The following FOXP2 variants were observed in gnomAD, a reference collection of about 807,000 sequenced individuals.
FOXP2 encodes the protein forkhead box protein P2.
FOXP2 carries 12 observed loss-of-function variants against 115.8 expected under a neutral mutation model. The observed-to-expected ratio is 0.10, with a 90% CI of 0.07 to 0.17. The LOEUF (loss-of-function observed/expected upper bound fraction) is 0.17. Among genes scored for constraint, FOXP2 ranks in the 10% least tolerant of loss-of-function variants. The pLI is 1.00. For synonymous variants in FOXP2, 328 were observed against 297.7 expected (o/e 1.10, Z -1.05); for missense variants, 629 against 843.5 (o/e 0.75, Z 3.15).
chr7:114,671,001 A>AT (rs1807459529), intron 16 of FOXP2, among the ~76,000 whole-genome samples: 1 of 151,956 alleles, frequency 6.6e-6, no homozygotes, highest in African/African-American at 2.4e-5. Flanking sequence ...GTTTTCATAG[A>AT]TTTTTTAATT....
At chr7:114,449,706 A>G (rs1189083061) in intron 2 of FOXP2, among the ~76,000 whole-genome samples, 1 of 152,078 alleles carries the variant, frequency 6.6e-6, no homozygotes, top group African/African-American at 2.4e-5. Flanking sequence ...CACTTCAGCT[A>G]CCTAGGTTTA....
chr7:114,667,120 C>G (rs898094322), intron 16 of FOXP2: 1 of 152,006 alleles, frequency 6.6e-6, no homozygotes, highest in South Asian at 2.1e-4. Flanking sequence ...GTAAGCAGAT[C>G]CATAAAACTG....
At chr7:114,654,062 T>A (rs1806438170) in intron 10 of FOXP2, 53 bp downstream of exon 10, 1 of 1,611,946 alleles carries the variant, frequency 6.2e-7, no homozygotes, top group South Asian at 1.1e-5. Flanking sequence ...TGTAACAGAC[T>A]AAGAAAATGA....
intron 1 of FOXP2, among the ~76,000 whole-genome samples, chr7:114,152,229 C>G (rs1792547001): frequency 6.6e-6 from 1 of 152,186 alleles, no homozygotes; most frequent in Non-Finnish European, 1.5e-5. Flanking sequence ...CCGACATTAT[C>G]TATTGAATAC....
At chr7:114,654,650 T>C (rs1261317665) in intron 10 of FOXP2, among the ~76,000 whole-genome samples, 1 of 152,170 alleles carries the variant, frequency 6.6e-6, no homozygotes, top group Non-Finnish European at 1.5e-5. Flanking sequence ...CCTAATAATG[T>C]AGTCAGATAC....
At chr7:114,459,738 T>A (rs939890488) in intron 2 of FOXP2, among the ~76,000 whole-genome samples, 1 of 151,882 alleles carries the variant, frequency 6.6e-6, no homozygotes, top group Non-Finnish European at 1.5e-5. Flanking sequence ...GCCTCAGCCT[T>A]CCGGGTAGCT....
chr7:114,647,287 C>A (rs1805965284), intron 8 of FOXP2, among the ~76,000 whole-genome samples: 1 of 151,352 alleles, frequency 6.6e-6, no homozygotes, highest in African/African-American at 2.4e-5. Context: ...CTGGTGGAAT[C>A]CCTCTATTTT....
chr7:114,561,976 C>T (rs1044903722), intron 3 of FOXP2, among the ~76,000 whole-genome samples: 6 of 152,206 alleles, frequency 3.9e-5, no homozygotes, highest in African/African-American at 1.4e-4. Context: ...TTTAAAATCA[C>T]TTTGAATTGG....
intron 3 of FOXP2, among the ~76,000 whole-genome samples, chr7:114,545,068 C>T (rs1374771744): frequency 6.6e-6 from 1 of 152,118 alleles, no homozygotes; most frequent in African/African-American, 2.4e-5. Flanking sequence ...TAAAACTCTC[C>T]AGGAGATACA....
chr7:114,486,985 C>G (rs899964205), intron 2 of FOXP2, among the ~76,000 whole-genome samples: 7 of 152,190 alleles, frequency 4.6e-5, no homozygotes, highest in African/African-American at 1.7e-4. Flanking sequence ...ACTCTGGGGT[C>G]TGGAGGATGG....
At chr7:114,489,985 G>A (rs958680413) in intron 2 of FOXP2, among the ~76,000 whole-genome samples, 1 of 152,088 alleles carries the variant, frequency 6.6e-6, no homozygotes, top group African/African-American at 2.4e-5. Context: ...GGTGAAATGC[G>A]GAAATGGTAC....
rs1584631796 is a variant in FOXP2 at position 114,317,755 on chromosome 7, A to G, written c.-11+29646A>G. On this transcript the variant is annotated intron_variant, in intron 2 of 17. Coordinates refer to the FOXP2 transcript ENST00000634411. ...CTGCCATTTCCTAAAAATAAAATAA[A>G]AAATCCTTAAGATGATCTACAAAAC... Among the ~76,000 whole-genome samples, 6 of 152,300 alleles carry G rather than the reference A, an allele frequency of 3.9e-5. 1 individual carries two copies. The highest frequency in any genetic ancestry group is 3.9e-4 in the Admixed American group (6 of 15,294).
chr7:114,294,343 T>C (rs1164821568), intron 2 of FOXP2, among the ~76,000 whole-genome samples: 2 of 152,168 alleles, frequency 1.3e-5, no homozygotes, highest in Non-Finnish European at 2.9e-5. Flanking sequence ...TCTACTAATC[T>C]ATCCTGATAG....
intron 16 of FOXP2, among the ~76,000 whole-genome samples, chr7:114,678,547 C>CTTTTTTTTTTTTTTTTTTTT (rs35525759): frequency 2.1e-5 from 1 of 48,388 alleles, no homozygotes; most frequent in Non-Finnish European, 4.0e-5. Flanking sequence ...ATAAGTGACT[C>CTTTTTTTTTTTTTTTTTTTT]TTTTTTTTTT....
At chr7:114,631,223 T>C (rs146204738) in intron 5 of FOXP2, among the ~76,000 whole-genome samples, 1 of 152,186 alleles carries the variant, frequency 6.6e-6, no homozygotes, top group Admixed American at 6.5e-5. Context: ...TCTTTTAATC[T>C]AGAGAAATGT....
At chr7:114,216,966 C>G (rs1025292416) in intron 1 of FOXP2, among the ~76,000 whole-genome samples, 3 of 152,084 alleles carry the variant, frequency 2.0e-5, no homozygotes, top group African/African-American at 7.2e-5. Context: ...AAATAATCCC[C>G]TTATTGACAT....
intron 2 of FOXP2, among the ~76,000 whole-genome samples, chr7:114,453,210 A>G (rs1795143957): frequency 6.6e-6 from 1 of 152,070 alleles, no homozygotes; most frequent in African/African-American, 2.4e-5. Flanking sequence ...TTTCCTGTAA[A>G]TTGCATATAA....
chr7:114,621,532 A>G (rs1022906683), intron 3 of FOXP2, among the ~76,000 whole-genome samples: 1 of 152,032 alleles, frequency 6.6e-6, no homozygotes, highest in African/African-American at 2.4e-5. Flanking sequence ...CAGTAAATCT[A>G]CCTCAGTTTT....
At chr7:114,683,380 C>T (rs1254608218) in intron 16 of FOXP2, among the ~76,000 whole-genome samples, 1 of 152,138 alleles carries the variant, frequency 6.6e-6, no homozygotes, top group Admixed American at 6.5e-5. Context: ...GCAGAAATAA[C>T]AAGGTTCCAA....
Sources: gnomAD v4.1 joint callset for allele counts (sites outside exome capture counted in the v4.1 genomes callset) on GRCh38, gnomAD v4.1.1 for gene constraint, MANE v1.5 for transcripts, NCBI Gene and HGNC (gene_info 2026-07-23, HGNC 2026-07-21) for gene names.